Variants in LRP1B observed in about 807,000 individuals in gnomAD.
LRP1B encodes the protein LDL receptor related protein 1B, also known as low-density lipoprotein receptor-related protein 1B.
In LRP1B, 217 loss-of-function variants were observed where a neutral mutation model predicts 556.6. The ratio of observed to expected loss-of-function variants is 0.39; its 90% CI spans 0.35 to 0.44. LRP1B has a LOEUF of 0.44. LRP1B is among the 20% of genes least tolerant of loss of function. The pLI is 1.00. For synonymous variants in LRP1B, 2,047 were observed against 1,865.8 expected, an observed-to-expected ratio of 1.10 and a Z score of -2.50; for missense variants, 5,053 against 5,620.8, an observed-to-expected ratio of 0.90 and a Z score of 3.23.
intron 7 of LRP1B, among the ~76,000 whole-genome samples, chr2:141,084,751 G>A (rs539645210): frequency 2.0e-5 from 3 of 151,110 alleles, no homozygotes; most frequent in East Asian, 4.0e-4. Flanking sequence ...CCGGGTTCAC[G>A]CCATTCTCCT....
chr2:142,030,460 C>A (rs572824910), intron 1 of LRP1B, among the ~76,000 whole-genome samples: 1 of 151,596 alleles, frequency 6.6e-6, no homozygotes, highest in African/African-American at 2.4e-5. Context: ...TGATAAATGG[C>A]CCTAGAATAC....
chr2:141,885,977 T>C (rs549286969), intron 1 of LRP1B, among the ~76,000 whole-genome samples: 93 of 152,314 alleles, frequency 6.1e-4, no homozygotes, highest in African/African-American at 2.2e-3. Context: ...TACACTTCTG[T>C]GGATCAGCAA....
rs1009050987 is a variant in LRP1B at position 141,114,507 on chromosome 2, C to T, written c.1014-52234G>A. Among the ~76,000 whole-genome samples the T allele has an allele frequency of 5.9e-5, 9 of 152,090 alleles. 1 individual carries two copies. ...GAATTTGGCCTTTCATGGCTGATCT[C>T]CTGACTGTCTGTAGCAAAACTCCTC... On this transcript the variant is annotated intron_variant, in intron 7 of 90. Coordinates refer to ENST00000389484, the MANE Select transcript of LRP1B (RefSeq NM_018557.3).
At chr2:141,974,078 C>A (rs1160613409) in intron 1 of LRP1B, among the ~76,000 whole-genome samples, 1 of 151,838 alleles carries the variant, frequency 6.6e-6, no homozygotes, top group South Asian at 2.1e-4. Flanking sequence ...AGAGCCCATC[C>A]CATAGACAGT....
intron 2 of LRP1B, among the ~76,000 whole-genome samples, chr2:141,576,690 G>T (rs1003715711): frequency 2.0e-5 from 3 of 150,430 alleles, no homozygotes; most frequent in African/African-American, 7.3e-5. Context: ...GGAAATCAAG[G>T]CTGCAGTGAG....
chr2:141,411,827 A>C (rs537781435), intron 3 of LRP1B, among the ~76,000 whole-genome samples: 1 of 152,278 alleles, frequency 6.6e-6, no homozygotes, highest in South Asian at 2.1e-4. Flanking sequence ...ATACAAGCTG[A>C]GGAAAACAGT....
Position 141,764,777 on chromosome 2 carries a change from A to G in LRP1B, c.205+45502T>C, listed in dbSNP as rs193289950. The stretch of plus-strand genomic sequence containing the variant: ...TAACTATGATAGACAACGAAACCTT[A>G]TAATGAACTTAAGTGAAAAAAAATT... On this transcript the variant is annotated intron_variant, in intron 2 of 90. Coordinates refer to ENST00000389484, the MANE Select transcript of LRP1B (RefSeq NM_018557.3). 2.3e-3 allele frequency among the ~76,000 whole-genome samples: 357 copies of G among 152,266 alleles called. 3 individuals are homozygous for G. The highest frequency in any genetic ancestry group is 0.014 in the Middle Eastern group (4 of 294).
chr2:140,325,919 T>G (rs990441855), intron 79 of LRP1B, 41 bp from the exon 80 acceptor site: 2 of 1,193,934 alleles, frequency 1.7e-6, no homozygotes, highest in Non-Finnish European at 2.5e-6. Context: ...TGCAAGTAAA[T>G]TTGAAATCAT....
intron 7 of LRP1B, among the ~76,000 whole-genome samples, chr2:141,071,675 T>C (rs1574044325): frequency 6.6e-6 from 1 of 152,102 alleles, no homozygotes; most frequent in Non-Finnish European, 1.5e-5. Context: ...ACAAAATCAA[T>C]GTACAAAAAG....
chr2:142,115,527 A>ATATATATAATATATAT lies in LRP1B; in HGVS notation c.82+15120_82+15121insATATATATTATATATA, dbSNP rs1553518930. 2.9e-4 allele frequency among the ~76,000 whole-genome samples: 16 copies of ATATATATAATATATAT among 54,950 alleles called. 4 individuals carry two copies. Among genetic ancestry groups the ATATATATAATATATAT allele is most frequent in the Non-Finnish European group, 5.8e-4 (16 of 27,666 alleles). 36.0% of individuals were successfully genotyped at this position (54,950 alleles called of 152,430 possible). ...ATATATTATATATTACATATATAAT[A>ATATATATAATATATAT]TATATATTACATATGTAATATATAT... On this transcript the variant is annotated intron_variant, in intron 1 of 90. Coordinates refer to ENST00000389484, the MANE Select transcript of LRP1B (RefSeq NM_018557.3).
chr2:140,883,231 G>A (rs1285667178), intron 25 of LRP1B, among the ~76,000 whole-genome samples: 1 of 152,148 alleles, frequency 6.6e-6, no homozygotes, highest in African/African-American at 2.4e-5. Flanking sequence ...AAAGGGAAGA[G>A]GGCAGTAACC....
Position 140,562,973 on chromosome 2 carries a change from A to G in LRP1B, c.7195-21002T>C, listed in dbSNP as rs542517592. Among the ~76,000 whole-genome samples the G allele has an allele frequency of 2.0e-5, 3 of 152,288 alleles. No individual in the cohort carries two copies. The East Asian group carries it at 5.8e-4, about 29-fold the overall frequency. ...ATTAAATAAAAAAATTAAATGTAAG[A>G]CAAGGAACTTAAATTACTGTTGTGC... On this transcript the variant is annotated intron_variant, in intron 43 of 90. Transcript: ENST00000389484.
At chr2:142,106,466 T>A (rs974373721) in intron 1 of LRP1B, among the ~76,000 whole-genome samples, 4 of 152,206 alleles carry the variant, frequency 2.6e-5, no homozygotes, top group Non-Finnish European at 5.9e-5. Flanking sequence ...TTAAGTGACT[T>A]GTTCAGAGTT....
intron 11 of LRP1B, among the ~76,000 whole-genome samples, chr2:141,026,217 C>T (rs1427254479): frequency 6.6e-6 from 1 of 152,018 alleles, no homozygotes; most frequent in Admixed American, 6.6e-5. Flanking sequence ...GTAAATTATT[C>T]AATCTCTTTC....
At chr2:141,790,722 AT>A (rs948080479) in intron 2 of LRP1B, among the ~76,000 whole-genome samples, 4 of 151,948 alleles carry the variant, frequency 2.6e-5, no homozygotes, top group East Asian at 1.9e-4. Context: ...ACCAGTCCAT[AT>A]TTTTTTGTTG....
intron 2 of LRP1B, among the ~76,000 whole-genome samples, chr2:141,798,102 T>A (rs560268407): frequency 4.6e-5 from 7 of 152,210 alleles, no homozygotes; most frequent in Non-Finnish European, 8.8e-5. Flanking sequence ...ATATGTATTG[T>A]TCCTAGAAAG....
intron 2 of LRP1B, among the ~76,000 whole-genome samples, chr2:141,554,726 T>A (rs1373401751): frequency 2.6e-5 from 4 of 152,016 alleles, no homozygotes; most frequent in African/African-American, 9.6e-5. Context: ...CCTACCTAGA[T>A]TTAATTTAGT....
intron 3 of LRP1B, among the ~76,000 whole-genome samples, chr2:141,291,371 T>G (rs151212198): frequency 6.6e-6 from 1 of 152,208 alleles, no homozygotes; most frequent in African/African-American, 2.4e-5. Context: ...TTTTTATATA[T>G]GTAATTTGTG....
At chr2:140,399,300 A>G (rs964485928) in intron 66 of LRP1B, among the ~76,000 whole-genome samples, 2 of 152,020 alleles carry the variant, frequency 1.3e-5, no homozygotes, top group African/African-American at 2.4e-5. Flanking sequence ...GCACTAAAAT[A>G]TACTTTTAAC....
Sources: allele counts gnomAD v4.1 joint callset (sites outside exome capture counted in the v4.1 genomes callset), GRCh38; gene constraint gnomAD v4.1.1; transcripts MANE v1.5; gene names NCBI Gene and HGNC (gene_info 2026-07-23, HGNC 2026-07-21).